The following ANO6 variants were observed in gnomAD, a reference collection of about 807,000 sequenced individuals.
ANO6 encodes anoctamin 6.
Under a neutral mutation model 117.5 loss-of-function variants are expected in ANO6, and 106 were observed. The ratio of observed to expected loss-of-function variants is 0.90; its 90% CI spans 0.77 to 1.06. The LOEUF (loss-of-function observed/expected upper bound fraction) is 1.06, where lower values mean the gene tolerates loss of function less well. ANO6 is among the 50% of genes least tolerant of loss of function. The pLI is 0.00. For missense variants in ANO6, 955 were observed against 1,121.1 expected (o/e 0.85, Z 2.12); for synonymous variants, 367 against 385.1 (o/e 0.95, Z 0.55).
chr12:45,292,879 C>T, intron 1 of ANO6: 1 of 1,550,650 alleles, frequency 6.4e-7, no homozygotes, highest in Non-Finnish European at 8.7e-7. Flanking sequence ...GCGTCAAGGA[C>T]TCACCGAATT....
At chr12:45,260,237 AC>A (rs1419196486) in intron 1 of ANO6, among the ~76,000 whole-genome samples, 1 of 152,244 alleles carries the variant, frequency 6.6e-6, no homozygotes, top group Non-Finnish European at 1.5e-5. Context: ...TACAAAGGTA[AC>A]CTTAAACAGC....
chr12:45,227,318 A>G (rs755364758), intron 1 of ANO6, among the ~76,000 whole-genome samples: 1 of 152,200 alleles, frequency 6.6e-6, no homozygotes, highest in African/African-American at 2.4e-5. Flanking sequence ...AGAAAAGTAA[A>G]AGGAGGAAAG....
intron 1 of ANO6, among the ~76,000 whole-genome samples, chr12:45,224,424 CAT>C (rs1292186153): frequency 6.6e-6 from 1 of 151,752 alleles, no homozygotes; most frequent in East Asian, 1.9e-4. Flanking sequence ...ATTATATATA[CAT>C]ATGTGTGTGT....
intron 16 of ANO6, among the ~76,000 whole-genome samples, chr12:45,415,213 CATT>C (rs1172290705): frequency 6.0e-5 from 9 of 149,766 alleles, no homozygotes. Flanking sequence ...ATTCATTCAT[CATT>C]ATTTGTTTTT....
chr12:45,408,619 CAG>C (rs1943006268), intron 15 of ANO6, among the ~76,000 whole-genome samples: 1 of 152,192 alleles, frequency 6.6e-6, no homozygotes, highest in Non-Finnish European at 1.5e-5. Flanking sequence ...TTAAATGATT[CAG>C]CTTAAAATAG....
At chr12:45,216,658 A>G (rs1034498991) in intron 1 of ANO6, among the ~76,000 whole-genome samples, 10 of 152,226 alleles carry the variant, frequency 6.6e-5, no homozygotes, top group African/African-American at 2.4e-4. Context: ...AAAGCCTGGC[A>G]GCTGCGGGGA....
chr12:45,367,834 T>A (rs761614172), intron 9 of ANO6, 41 bp downstream of exon 9: 1 of 1,421,616 alleles, frequency 7.0e-7, no homozygotes, highest in East Asian at 2.3e-5. Flanking sequence ...TAATGAAAGA[T>A]TTTTTTTCTA....
At chr12:45,359,671 G>C (rs564878793) in intron 8 of ANO6, among the ~76,000 whole-genome samples, 1 of 152,058 alleles carries the variant, frequency 6.6e-6, no homozygotes, top group African/African-American at 2.4e-5. Flanking sequence ...TGTATAAACC[G>C]CATTGTTTAT....
rs1943441887 is a variant in ANO6 at position 45,424,331 on chromosome 12, T to TTTTTTG, written c.2526+1274_2526+1275insGTTTTT. 3.7e-5 allele frequency among the ~76,000 whole-genome samples: 4 copies of TTTTTTG among 109,444 alleles called. 1 individual carries two copies. The highest frequency in any genetic ancestry group is 1.4e-4 in the African/African-American group (4 of 28,520). 71.8% of individuals were successfully genotyped at this position (109,444 alleles called of 152,430 possible). On this transcript the variant is annotated intron_variant, in intron 19 of 19. Transcript: ENST00000320560. ...AGAGGGAAAACTAGGTGATGGGTTT[T>TTTTTTG]TTTTTTTTTTTTTTTTTTTTTTTTA...
rs779960419 is a variant in ANO6, at chr12:45,416,864, C to G, written c.2177C>G (p.Pro726Arg). The G allele has an allele frequency of 3.7e-6, 6 of 1,614,152 alleles. No homozygotes were observed. In the East Asian group the frequency reaches 1.1e-4, roughly 30 times the overall value. Residue 726 changes from proline (P) to arginine (R), a missense_variant, in exon 17 of 20, where the codon CCC becomes CGC. Coordinates refer to ENST00000320560, the MANE Select transcript of ANO6 (RefSeq NM_001025356.3). ...GCCCAAGACATTGGAGCATGGCAGC[C>G]CATCATGCAAGGAATAGCAATTCTG... ...EKAQDIGAWQ[P>R]IMQGIAILAV... is the part of the protein sequence containing the mutation.
chr12:45,243,145 A>C (rs10880763), intron 1 of ANO6, among the ~76,000 whole-genome samples: 25,500 of 152,024 alleles, frequency 0.17, 3,319 homozygotes, highest in East Asian at 0.37. Flanking sequence ...AGCGAGACCC[A>C]ATCTCTACTA....
intron 19 of ANO6, among the ~76,000 whole-genome samples, chr12:45,437,690 C>T (rs1472016971): frequency 6.6e-6 from 1 of 152,084 alleles, no homozygotes; most frequent in Non-Finnish European, 1.5e-5. Flanking sequence ...CTGCCTCAGC[C>T]TCCCTAGTAG....
intron 19 of ANO6, among the ~76,000 whole-genome samples, chr12:45,427,626 G>T (rs111433098): frequency 6.6e-6 from 1 of 151,612 alleles, no homozygotes; most frequent in Admixed American, 6.6e-5. Flanking sequence ...CTAGGTCAGA[G>T]ATTTTTGATT....
intron 19 of ANO6, among the ~76,000 whole-genome samples, chr12:45,424,947 TAAAAAAAA>T (rs35933311): frequency 6.8e-6 from 1 of 147,556 alleles, no homozygotes; most frequent in South Asian, 2.2e-4. Context: ...AGAGGTGATT[TAAAAAAAA>T]AACAAAAAAA....
In ANO6 at chr12:45,431,232, A is replaced by ACT; in HGVS notation, c.*1924_*1925dup. 2 of 984,828 alleles carry ACT rather than the reference A, an allele frequency of 2.0e-6. No homozygotes were observed. Among genetic ancestry groups the ACT allele is most frequent in the Non-Finnish European group, 2.4e-6 (2 of 829,760 alleles). 61.0% of individuals were successfully genotyped at this position (984,828 alleles called of 1,614,324 possible). A position where few individuals can be genotyped will look rare whatever the true frequency, so the allele number is the denominator to read the frequency against. On this transcript the variant is annotated 3_prime_UTR_variant, in exon 20 of 20. Transcript: ENST00000320560. ...AATGAATTTCTTCCCACTGAAGGAA[A>ACT]CTCTTTCTCATTCGCAGCCAAGACG...
intron 16 of ANO6, among the ~76,000 whole-genome samples, chr12:45,410,328 C>G (rs944717714): frequency 6.6e-6 from 1 of 152,180 alleles, no homozygotes; most frequent in Non-Finnish European, 1.5e-5. Flanking sequence ...TGAGTGACTT[C>G]ATGGCTCATA....
chr12:45,418,067 A>G (rs186985086), intron 17 of ANO6, among the ~76,000 whole-genome samples: 9 of 152,344 alleles, frequency 5.9e-5, no homozygotes, highest in East Asian at 3.9e-4. Flanking sequence ...CCTCGTTTCT[A>G]TTGAATGTTA....
At chr12:45,251,682 G>A (rs1336097824) in intron 1 of ANO6, among the ~76,000 whole-genome samples, 2 of 152,168 alleles carry the variant, frequency 1.3e-5, no homozygotes, top group African/African-American at 2.4e-5. Flanking sequence ...CCTTGGAGGA[G>A]GCATTCAAAA....
At chr12:45,352,792 C>T (rs1327506014) in intron 7 of ANO6, among the ~76,000 whole-genome samples, 1 of 151,886 alleles carries the variant, frequency 6.6e-6, no homozygotes, top group Non-Finnish European at 1.5e-5. Flanking sequence ...CTTATTGTCC[C>T]CAAAAAAACT....
Sources: allele counts gnomAD v4.1 joint callset (sites outside exome capture counted in the v4.1 genomes callset), GRCh38; gene constraint gnomAD v4.1.1; transcripts MANE v1.5; gene names NCBI Gene and HGNC (gene_info 2026-07-23, HGNC 2026-07-21).